SNTB1: variants seen among roughly 807,000 people sequenced by gnomAD.
SNTB1 encodes the protein beta-1-syntrophin.
SNTB1 carries 36 observed loss-of-function variants against 48.9 expected under a neutral mutation model. That is an observed-to-expected ratio of 0.74 (90% CI 0.56 to 0.97). The LOEUF is 0.97. Among genes scored for constraint, SNTB1 ranks in the 50% least tolerant of loss-of-function variants. The probability of loss-of-function intolerance (pLI) is 0.00; values close to 1 mark genes in which losing one functional copy is unlikely to be tolerated. For missense variants in SNTB1, 786 were observed against 703.4 expected (o/e 1.12, Z -1.33); for synonymous variants, 299 against 294.6 (o/e 1.01, Z -0.15).
chr8:120,655,900 C>A, intron 2 of SNTB1, among the ~76,000 whole-genome samples: 1 of 152,120 alleles, frequency 6.6e-6, no homozygotes, highest in East Asian at 1.9e-4. Context: ...GGAGGAGGCA[C>A]CCCACTTTTA....
chr8:120,804,281 C>T (rs1212712494), intron 1 of SNTB1, among the ~76,000 whole-genome samples: 3 of 151,926 alleles, frequency 2.0e-5, no homozygotes, highest in Non-Finnish European at 4.4e-5. Flanking sequence ...CATTCATCCA[C>T]CCTTTAGCAT....
At chr8:120,587,659 A>G (rs147789968) in intron 3 of SNTB1, among the ~76,000 whole-genome samples, 6 of 152,312 alleles carry the variant, frequency 3.9e-5, no homozygotes, top group African/African-American at 9.6e-5. Flanking sequence ...TTTAAGCATC[A>G]TTGTTTGAAG....
At chr8:120,777,703 G>A (rs961246109) in intron 1 of SNTB1, among the ~76,000 whole-genome samples, 4 of 152,212 alleles carry the variant, frequency 2.6e-5, no homozygotes, top group African/African-American at 9.6e-5. Flanking sequence ...TCCTAACAAA[G>A]TGGTTCAAGC....
chr8:120,557,325 C>T (rs1815581286), intron 4 of SNTB1, among the ~76,000 whole-genome samples: 1 of 152,190 alleles, frequency 6.6e-6, no homozygotes, highest in Admixed American at 6.5e-5. Context: ...ATCTCTGGAC[C>T]TTGGCTAATC....
At chr8:120,768,427 A>G (rs1473823340) in intron 1 of SNTB1, among the ~76,000 whole-genome samples, 2 of 152,242 alleles carry the variant, frequency 1.3e-5, no homozygotes, top group African/African-American at 4.8e-5. Context: ...GTGTGTGCAA[A>G]TAACACTAGC....
intron 3 of SNTB1, among the ~76,000 whole-genome samples, chr8:120,584,873 G>GGAA (rs1816112163): frequency 6.6e-6 from 1 of 152,166 alleles, no homozygotes; most frequent in Non-Finnish European, 1.5e-5. Context: ...TGAGCATGAA[G>GGAA]GAAGAGACCA....
At chr8:120,790,966 G>A (rs762551856) in intron 1 of SNTB1, among the ~76,000 whole-genome samples, 12 of 151,558 alleles carry the variant, frequency 7.9e-5, no homozygotes, top group Non-Finnish European at 1.3e-4. Flanking sequence ...AAATCTGGAG[G>A]CAACATATTA....
At chr8:120,553,877 A>C (rs1407010061) in intron 4 of SNTB1, among the ~76,000 whole-genome samples, 1 of 152,136 alleles carries the variant, frequency 6.6e-6, no homozygotes, top group Non-Finnish European at 1.5e-5. Context: ...ACGTGCCTGT[A>C]GTCCCAGCTA....
intron 1 of SNTB1, among the ~76,000 whole-genome samples, chr8:120,696,908 A>G (rs1375972301): frequency 6.6e-6 from 1 of 152,206 alleles, no homozygotes; most frequent in Non-Finnish European, 1.5e-5. Flanking sequence ...TTTATTCTAC[A>G]GGCAGTAGTG....
At chr8:120,631,436 A>G (rs961374627) in intron 3 of SNTB1, among the ~76,000 whole-genome samples, 1 of 152,218 alleles carries the variant, frequency 6.6e-6, no homozygotes, top group African/African-American at 2.4e-5. Flanking sequence ...AACAAAGAAC[A>G]ATGGTGGAAA....
intron 1 of SNTB1, among the ~76,000 whole-genome samples, chr8:120,792,057 A>G (rs1038712518): frequency 1.3e-5 from 2 of 151,732 alleles, no homozygotes; most frequent in African/African-American, 4.8e-5. Flanking sequence ...ATGCTCATCA[A>G]CCGATGAGTG....
At chr8:120,790,855 G>A (rs1820018014) in intron 1 of SNTB1, among the ~76,000 whole-genome samples, 1 of 151,530 alleles carries the variant, frequency 6.6e-6, no homozygotes, top group African/African-American at 2.4e-5. Context: ...CTATCAAAAT[G>A]TCAACATCAT....
At chr8:120,556,165 T>C (rs1198239319) in intron 4 of SNTB1, among the ~76,000 whole-genome samples, 1 of 152,170 alleles carries the variant, frequency 6.6e-6, no homozygotes, top group Non-Finnish European at 1.5e-5. Context: ...CCCCTCCTAA[T>C]TCCCATGGCC....
At chr8:120,803,186 T>C (rs1820259929) in intron 1 of SNTB1, among the ~76,000 whole-genome samples, 1 of 152,126 alleles carries the variant, frequency 6.6e-6, no homozygotes, top group Non-Finnish European at 1.5e-5. Context: ...GTAGATGTAG[T>C]CGTTTATAAA....
chr8:120,736,929 C>T (rs188336959), intron 1 of SNTB1, among the ~76,000 whole-genome samples: 1 of 152,174 alleles, frequency 6.6e-6, no homozygotes, highest in Admixed American at 6.5e-5. Context: ...CTCTCCATCT[C>T]TCTCTCTTTC....
At chr8:120,798,059 A>G (rs996634210) in intron 1 of SNTB1, among the ~76,000 whole-genome samples, 36 of 152,056 alleles carry the variant, frequency 2.4e-4, no homozygotes, top group Non-Finnish European at 8.8e-5. Context: ...ATAAATCCGT[A>G]AGAAGAGAAG....
intron 3 of SNTB1, among the ~76,000 whole-genome samples, chr8:120,591,981 G>T (rs1816246311): frequency 6.6e-6 from 1 of 152,100 alleles, no homozygotes; most frequent in Admixed American, 6.5e-5. Context: ...TTCTCATAAA[G>T]GGAATAGTAA....
At chr8:120,681,816 CA>C (rs1563850260) in intron 2 of SNTB1, among the ~76,000 whole-genome samples, 2 of 151,878 alleles carry the variant, frequency 1.3e-5, no homozygotes, top group African/African-American at 4.8e-5. Context: ...TTACTCAGTG[CA>C]AGAAATGAAC....
At chr8:120,598,694 CAA>C (rs1009827401) in intron 3 of SNTB1, among the ~76,000 whole-genome samples, 2 of 152,148 alleles carry the variant, frequency 1.3e-5, no homozygotes, top group Non-Finnish European at 2.9e-5. Context: ...TTCTGGAGGC[CAA>C]AAGTCTGAAA....
Sources: gnomAD v4.1 joint callset for allele counts (sites outside exome capture counted in the v4.1 genomes callset) on GRCh38, gnomAD v4.1.1 for gene constraint, MANE v1.5 for transcripts, NCBI Gene and HGNC (gene_info 2026-07-23, HGNC 2026-07-21) for gene names.